The following LINGO2 variants were observed in gnomAD, a reference collection of about 807,000 sequenced individuals.
The protein encoded by LINGO2 is leucine-rich repeat and immunoglobulin-like domain-containing nogo receptor-interacting protein 2.
Under a neutral mutation model 30.6 loss-of-function variants are expected in LINGO2, and 14 were observed. That is an observed-to-expected ratio of 0.46 (90% CI 0.30 to 0.72). The LOEUF (loss-of-function observed/expected upper bound fraction) is 0.72, where lower values mean the gene tolerates loss of function less well. Ranked by LOEUF, LINGO2 falls within the 30% of genes least tolerant of loss-of-function variation. LINGO2 has a pLI of 0.07. For synonymous variants in LINGO2, 317 were observed against 288.5 expected, an observed-to-expected ratio of 1.10 and a Z score of -1.00; for missense variants, 729 against 751.7, an observed-to-expected ratio of 0.97 and a Z score of 0.35.
chr9:28,904,325 T>G, the LINGO2 span, among the ~76,000 whole-genome samples: 1 of 152,078 alleles, frequency 6.6e-6, no homozygotes, highest in Non-Finnish European at 1.5e-5. Context: ...ATTCCAACTC[T>G]TGCTACTTGT....
chr9:28,078,573 G>A (rs1052121535), intron 4 of LINGO2, among the ~76,000 whole-genome samples: 12 of 148,380 alleles, frequency 8.1e-5, no homozygotes, highest in Non-Finnish European at 8.8e-5. Context: ...AGACTCTGCC[G>A]GGCGTGGTGG....
chr9:28,191,269 G>T (rs1244009650), intron 4 of LINGO2, among the ~76,000 whole-genome samples: 1 of 152,138 alleles, frequency 6.6e-6, no homozygotes, highest in Non-Finnish European at 1.5e-5. Flanking sequence ...CTATTTTCTT[G>T]ACATTTGACT....
chr9:28,215,870 C>T (rs1820749256), intron 4 of LINGO2, among the ~76,000 whole-genome samples: 2 of 151,716 alleles, frequency 1.3e-5, no homozygotes, highest in South Asian at 2.1e-4. Flanking sequence ...AAAGCCATAC[C>T]TGCAGCAAAA....
At chr9:28,761,943 CTT>C in the LINGO2 span, among the ~76,000 whole-genome samples, 3 of 152,058 alleles carry the variant, frequency 2.0e-5, no homozygotes, top group African/African-American at 7.2e-5. Context: ...TTTGCCTTCT[CTT>C]AGCACACTGC....
At chr9:28,876,532 A>G in the LINGO2 span, among the ~76,000 whole-genome samples, 1 of 152,082 alleles carries the variant, frequency 6.6e-6, no homozygotes, top group African/African-American at 2.4e-5. Flanking sequence ...TACTTTACTG[A>G]GAATGATGAT....
At chr9:29,113,962 GAA>G in the LINGO2 span, among the ~76,000 whole-genome samples, 35,397 of 145,206 alleles carry the variant, frequency 0.24, 4,278 homozygotes, top group East Asian at 0.41. Flanking sequence ...AAAGCTTTAG[GAA>G]AAAAAAAAAA....
chr9:28,716,204 C>T, the LINGO2 span, among the ~76,000 whole-genome samples: 11 of 151,356 alleles, frequency 7.3e-5, no homozygotes, highest in Admixed American at 3.3e-4. Flanking sequence ...CTCAGCAATG[C>T]GATGGCTCCT....
chr9:28,629,869 C>T (rs1480111868), intron 1 of LINGO2, among the ~76,000 whole-genome samples: 1 of 151,982 alleles, frequency 6.6e-6, no homozygotes, highest in Non-Finnish European at 1.5e-5. Context: ...TTTCTACTAA[C>T]TTAAAAAGTT....
rs115705987 is a variant in LINGO2, at chr9:28,653,359, T to G, written c.-365+16841A>C. Among the ~76,000 whole-genome samples the G allele has an allele frequency of 8.1e-3, 1,227 of 152,248 alleles. 15 individuals are homozygous for G. The highest frequency in any genetic ancestry group is 0.028 in the African/African-American group (1,169 of 41,554). On this transcript the variant is annotated intron_variant, in intron 1 of 5. Coordinates refer to ENST00000379992, the Ensembl canonical transcript of LINGO2. ...CTAGAGAATCTTGCAATTAAATGCT[T>G]AGACTTGGGTATGACTCACTCAGCC...
At chr9:28,406,668 T>C (rs1822528052) in intron 2 of LINGO2, among the ~76,000 whole-genome samples, 1 of 152,180 alleles carries the variant, frequency 6.6e-6, no homozygotes, top group Non-Finnish European at 1.5e-5. Context: ...AAATTTGCTT[T>C]GACATTTCTA....
intron 1 of LINGO2, among the ~76,000 whole-genome samples, chr9:28,511,246 T>C (rs1164376818): frequency 6.6e-6 from 1 of 152,170 alleles, no homozygotes; most frequent in Non-Finnish European, 1.5e-5. Flanking sequence ...GGAGTAAGTG[T>C]CTATTCCAGT....
At chr9:28,139,284 C>T (rs1563997013) in intron 4 of LINGO2, among the ~76,000 whole-genome samples, 1 of 152,192 alleles carries the variant, frequency 6.6e-6, no homozygotes, top group Non-Finnish European at 1.5e-5. Context: ...CAACAGCTTT[C>T]TACAGCTGTT....
At chr9:29,189,962 G>A in the LINGO2 span, among the ~76,000 whole-genome samples, 1 of 148,204 alleles carries the variant, frequency 6.7e-6, no homozygotes, top group South Asian at 2.2e-4. Context: ...GATGGCAGCA[G>A]TACAGTCCAG....
chr9:28,982,709 T>A, the LINGO2 span, among the ~76,000 whole-genome samples: 1 of 152,076 alleles, frequency 6.6e-6, no homozygotes, highest in African/African-American at 2.4e-5. Context: ...TTTTAAAGAA[T>A]TGCATGTAGT....
chr9:28,589,607 T>C (rs1021242197), intron 1 of LINGO2, among the ~76,000 whole-genome samples: 9 of 152,108 alleles, frequency 5.9e-5, no homozygotes, highest in Admixed American at 2.0e-4. Context: ...ATGTGAAGGT[T>C]CTCTTCAAAG....
At chr9:28,664,996 C>CATATATATATAT (rs10527878) in intron 1 of LINGO2, among the ~76,000 whole-genome samples, 1,088 of 96,020 alleles carry the variant, frequency 0.011, 49 homozygotes, top group South Asian at 0.022. Context: ...TATGTGTTTA[C>CATATATATATAT]ATATATATAT....
intron 1 of LINGO2, among the ~76,000 whole-genome samples, chr9:28,487,295 G>A (rs1195864118): frequency 6.6e-6 from 1 of 152,026 alleles, no homozygotes; most frequent in Admixed American, 6.6e-5. Context: ...GTGATTTGGG[G>A]AATGCATTAA....
At chr9:28,085,316 C>T (rs1825877916) in intron 4 of LINGO2, among the ~76,000 whole-genome samples, 1 of 152,016 alleles carries the variant, frequency 6.6e-6, no homozygotes, top group Non-Finnish European at 1.5e-5. Context: ...GAAGAGGGGC[C>T]CTTCCACCTG....
intron 1 of LINGO2, among the ~76,000 whole-genome samples, chr9:28,491,069 G>A (rs1404575816): frequency 6.6e-6 from 1 of 152,206 alleles, no homozygotes; most frequent in Admixed American, 6.5e-5. Flanking sequence ...TGAGATGGGA[G>A]TATTGTAGTG....
Sources: allele counts gnomAD v4.1 joint callset (sites outside exome capture counted in the v4.1 genomes callset), GRCh38; gene constraint gnomAD v4.1.1; transcripts MANE v1.5; gene names NCBI Gene and HGNC (gene_info 2026-07-23, HGNC 2026-07-21).